Variants in KIAA0825 observed in about 807,000 individuals in gnomAD.
KIAA0825 encodes the protein uncharacterized protein KIAA0825.
KIAA0825 carries 119 observed loss-of-function variants against 147.6 expected under a neutral mutation model. That is an observed-to-expected ratio of 0.81 (90% CI 0.69 to 0.94). The LOEUF is 0.94. Ranked by LOEUF, KIAA0825 falls within the 40% of genes least tolerant of loss-of-function variation. KIAA0825 has a pLI of 0.00. For missense variants in KIAA0825, 1,381 were observed against 1,472.7 expected, an observed-to-expected ratio of 0.94 and a Z score of 1.02; for synonymous variants, 470 against 518.1, an observed-to-expected ratio of 0.91 and a Z score of 1.26.
intron 5 of KIAA0825, among the ~76,000 whole-genome samples, chr5:94,502,512 T>A (rs1331199808): frequency 6.6e-6 from 1 of 152,190 alleles, no homozygotes; most frequent in Non-Finnish European, 1.5e-5. Context: ...AATTCTTATA[T>A]GTGCATAAGA....
rs546280530 is a variant in KIAA0825, at chr5:94,293,573, A to C, written c.3710+90795T>G. Reference sequence around the variant, plus strand: ...GAATAAGTATGATGTGGTGCTGAGAAGAATATATATTCTGTTGATTTGGGG... The same window carrying C: ...GAATAAGTATGATGTGGTGCTGAGACGAATATATATTCTGTTGATTTGGGG... On this transcript the variant is annotated intron_variant, in intron 20 of 20. Transcript: ENST00000682413. 1.1e-4 allele frequency among the ~76,000 whole-genome samples: 16 copies of C among 152,336 alleles called. No homozygotes were observed. The South Asian group carries it at 3.3e-3, about 32-fold the overall frequency.
At chr5:94,555,238 T>G (rs1776328364) in intron 2 of KIAA0825, among the ~76,000 whole-genome samples, 2 of 152,164 alleles carry the variant, frequency 1.3e-5, no homozygotes, top group African/African-American at 4.8e-5. Context: ...AATGACTACA[T>G]AAACACTCCA....
chr5:94,577,263 A>C (rs1261553255), intron 2 of KIAA0825, among the ~76,000 whole-genome samples: 1 of 152,230 alleles, frequency 6.6e-6, no homozygotes, highest in East Asian at 1.9e-4. Flanking sequence ...AAAAGAAAAA[A>C]ACCAGAAAAT....
chr5:94,373,047 G>T (rs1746956158), intron 20 of KIAA0825, among the ~76,000 whole-genome samples: 1 of 152,058 alleles, frequency 6.6e-6, no homozygotes, highest in South Asian at 2.1e-4. Flanking sequence ...CTCCATCTTG[G>T]ACCACCTCAG....
chr5:94,493,690 A>G (rs1397363687), intron 5 of KIAA0825, among the ~76,000 whole-genome samples: 4 of 152,020 alleles, frequency 2.6e-5, no homozygotes, highest in Non-Finnish European at 5.9e-5. Context: ...GGGTTTCACC[A>G]TGTTAGCCAG....
chr5:94,457,815 C>T (rs777838792), intron 12 of KIAA0825, among the ~76,000 whole-genome samples: 7 of 152,126 alleles, frequency 4.6e-5, no homozygotes, highest in Non-Finnish European at 8.8e-5. Flanking sequence ...CCAGGAGAAA[C>T]GGGTCTCATA....
At chr5:94,361,566 C>T (rs577181312) in intron 20 of KIAA0825, among the ~76,000 whole-genome samples, 7 of 152,236 alleles carry the variant, frequency 4.6e-5, no homozygotes, top group Admixed American at 1.3e-4. Flanking sequence ...AGCAAAATTA[C>T]GGATGCTTTT....
At chr5:94,184,981 T>C (rs1177773452) in intron 20 of KIAA0825, among the ~76,000 whole-genome samples, 1 of 152,190 alleles carries the variant, frequency 6.6e-6, no homozygotes, top group Non-Finnish European at 1.5e-5. Context: ...TTTCTCACAA[T>C]TCTCTGGGAA....
intron 15 of KIAA0825, among the ~76,000 whole-genome samples, chr5:94,409,975 T>C (rs1752539554): frequency 6.6e-6 from 1 of 152,066 alleles, no homozygotes; most frequent in Non-Finnish European, 1.5e-5. Context: ...GAAAGAAATA[T>C]GATCCATAAT....
At chr5:94,314,403 G>A (rs991679324) in intron 20 of KIAA0825, among the ~76,000 whole-genome samples, 1 of 151,682 alleles carries the variant, frequency 6.6e-6, no homozygotes, top group African/African-American at 2.4e-5. Flanking sequence ...AATGCATGGA[G>A]TTTAGAGGTA....
At chr5:94,252,165 C>G (rs1583966248) in intron 20 of KIAA0825, among the ~76,000 whole-genome samples, 1 of 151,962 alleles carries the variant, frequency 6.6e-6, no homozygotes, top group South Asian at 2.1e-4. Flanking sequence ...TCACTACACT[C>G]TTAGCACAAT....
intron 20 of KIAA0825, among the ~76,000 whole-genome samples, chr5:94,382,497 T>C (rs533739234): frequency 3.3e-5 from 5 of 152,348 alleles, no homozygotes; most frequent in Admixed American, 6.5e-5. Flanking sequence ...TCTTTAATCC[T>C]TCTAAGGTGG....
chr5:94,494,210 C>T (rs1485038672), intron 5 of KIAA0825, among the ~76,000 whole-genome samples: 1 of 152,094 alleles, frequency 6.6e-6, no homozygotes, highest in Non-Finnish European at 1.5e-5. Context: ...ACACTCCATT[C>T]CCTCTTCTCT....
chr5:94,403,877 C>T, intron 15 of KIAA0825, 84 bp from the exon 16 acceptor site: 1 of 1,152,328 alleles, frequency 8.7e-7, no homozygotes, highest in Non-Finnish European at 1.2e-6. Context: ...GTTTTGTAAT[C>T]ATCTAGTTTA....
chr5:94,554,743 T>TATATATA (rs1776228097), intron 2 of KIAA0825, among the ~76,000 whole-genome samples: 1 of 134,828 alleles, frequency 7.4e-6, no homozygotes, highest in Admixed American at 7.3e-5. Context: ...TATATATATA[T>TATATATA]ATATATATAT....
At chr5:94,347,621 A>C (rs1783162473) in intron 20 of KIAA0825, among the ~76,000 whole-genome samples, 1 of 152,186 alleles carries the variant, frequency 6.6e-6, no homozygotes, top group Non-Finnish European at 1.5e-5. Flanking sequence ...ACATCAAGGG[A>C]ATACCCTGTG....
intron 2 of KIAA0825, among the ~76,000 whole-genome samples, chr5:94,560,552 T>A (rs1777362926): frequency 6.6e-6 from 1 of 152,206 alleles, no homozygotes; most frequent in South Asian, 2.1e-4. Flanking sequence ...AAAAAGAATA[T>A]GCTACAGAGG....
intron 5 of KIAA0825, among the ~76,000 whole-genome samples, chr5:94,505,663 C>T (rs543056849): frequency 6.6e-6 from 1 of 151,860 alleles, no homozygotes; most frequent in East Asian, 1.9e-4. Flanking sequence ...AAATAAAAAA[C>T]AAGGAAATAA....
Position 94,208,562 on chromosome 5 carries a change from A to G in KIAA0825, c.3711-54438T>C, listed in dbSNP as rs1772415104. ...AAAGGCAAGGTGGCAATGCTAGAAA[A>G]CACACAAACAAAAGGCTAAGACAGC... On this transcript the variant is annotated intron_variant, in intron 20 of 20. Coordinates refer to ENST00000682413, the MANE Select transcript of KIAA0825 (RefSeq NM_001145678.3). Among the ~76,000 whole-genome samples the G allele has an allele frequency of 2.0e-5, 3 of 152,206 alleles. No individual in the cohort carries two copies. In the South Asian group the frequency reaches 6.2e-4, roughly 31 times the overall value.
Sources: allele counts gnomAD v4.1 joint callset (sites outside exome capture counted in the v4.1 genomes callset), GRCh38; gene constraint gnomAD v4.1.1; transcripts MANE v1.5; gene names NCBI Gene and HGNC (gene_info 2026-07-23, HGNC 2026-07-21).